The following KLHL7 variants were observed in gnomAD, a reference collection of about 807,000 sequenced individuals.
KLHL7 encodes kelch like family member 7.
KLHL7 carries 44 observed loss-of-function variants against 67.4 expected under a neutral mutation model. The ratio of observed to expected loss-of-function variants is 0.65; its 90% CI spans 0.51 to 0.84. The LOEUF (loss-of-function observed/expected upper bound fraction) is 0.84. KLHL7 is among the 40% of genes least tolerant of loss of function. The pLI is 0.00. For synonymous variants in KLHL7, 252 were observed against 243.3 expected (o/e 1.04, Z -0.33); for missense variants, 362 against 718.1 (o/e 0.50, Z 5.67).
At position 23,175,953 on chromosome 7, in the gene KLHL7, T is replaced by TAAAAAAAAAAA. The variant is rs57658434; in HGVS notation, c.*1670_*1680dup. The TAAAAAAAAAAA allele has an allele frequency of 6.9e-4, 42 of 60,490 alleles. 2 individuals are homozygous for TAAAAAAAAAAA. The highest frequency in any genetic ancestry group is 2.8e-3 in the African/African-American group (39 of 14,160). 3.7% of individuals were successfully genotyped at this position (60,490 alleles called of 1,614,324 possible). A position where few individuals can be genotyped will look rare whatever the true frequency, so the allele number is the denominator to read the frequency against. Reference sequence around the variant, plus strand: ...CCCAGCCTGGGCAACAGAGCAAGACTAAAAAAAAAAAAAAAAAAAAAAAAA... The same window carrying TAAAAAAAAAAA: ...CCCAGCCTGGGCAACAGAGCAAGACTAAAAAAAAAAAAAAAAAAAAAAAAAAAAAAAAAAAA... On this transcript the variant is annotated 3_prime_UTR_variant, in exon 11 of 11. Transcript: ENST00000339077.
intron 7 of KLHL7, among the ~76,000 whole-genome samples, chr7:23,163,483 C>T (rs1449139266): frequency 6.6e-6 from 1 of 152,114 alleles, no homozygotes; most frequent in Non-Finnish European, 1.5e-5. Flanking sequence ...GAAGCTTTTA[C>T]TCTTGTAGGA....
chr7:23,111,679 A>G (rs1397064628), intron 1 of KLHL7, among the ~76,000 whole-genome samples: 4 of 152,036 alleles, frequency 2.6e-5, no homozygotes, highest in African/African-American at 7.2e-5. Flanking sequence ...AAAATTAGCC[A>G]GGCATAGTCG....
rs1438040653 is a variant in KLHL7, at chr7:23,177,893, T to C, written c.*3595T>C. 1 of 152,228 alleles carries C rather than the reference T, an allele frequency of 6.6e-6. No homozygotes were observed. Among genetic ancestry groups the C allele is most frequent in the East Asian group, 1.9e-4 (1 of 5,204 alleles). 9.4% of individuals were successfully genotyped at this position (152,228 alleles called of 1,614,324 possible). On this transcript the variant is annotated 3_prime_UTR_variant, in exon 11 of 11. Coordinates refer to ENST00000339077, the MANE Select transcript of KLHL7 (RefSeq NM_001031710.3). ...GCTAACAAAATCAAAATCAGCCGTT[T>C]AATAAACAATTATTCCACCAAGCAG...
At chr7:23,158,053 C>A (rs1384830084) in intron 7 of KLHL7, among the ~76,000 whole-genome samples, 1 of 152,180 alleles carries the variant, frequency 6.6e-6, no homozygotes, top group Non-Finnish European at 1.5e-5. Flanking sequence ...GCAGCCTTGA[C>A]CTCCCAGGCT....
chr7:23,126,058 A>G (rs1399583713), intron 4 of KLHL7: 1 of 659,180 alleles, frequency 1.5e-6, no homozygotes, highest in Non-Finnish European at 2.7e-6. Flanking sequence ...ATATGCTAGC[A>G]TCACTACTCT....
intron 6 of KLHL7, 50 bp downstream of exon 6, chr7:23,144,075 C>T: frequency 3.4e-6 from 5 of 1,487,010 alleles, no homozygotes; most frequent in Non-Finnish European, 4.7e-6. Flanking sequence ...GCCAGTTTCT[C>T]ATGGGCTTAA....
intron 6 of KLHL7, among the ~76,000 whole-genome samples, chr7:23,145,861 G>C (rs1278078412): frequency 6.6e-6 from 1 of 152,136 alleles, no homozygotes; most frequent in Non-Finnish European, 1.5e-5. Flanking sequence ...CTCCCAAGTA[G>C]CTGGGACTAC....
At chr7:23,161,622 T>C (rs1263707128) in intron 7 of KLHL7, among the ~76,000 whole-genome samples, 3 of 152,122 alleles carry the variant, frequency 2.0e-5, no homozygotes, top group Non-Finnish European at 4.4e-5. Context: ...GCTGGTTGGT[T>C]ACAGGTCCCT....
chr7:23,129,415 T>C, intron 4 of KLHL7: 1 of 391,136 alleles, frequency 2.6e-6, no homozygotes, highest in Non-Finnish European at 5.1e-6. Flanking sequence ...CTTCATGAAC[T>C]GAAAAATCTC....
intron 4 of KLHL7, among the ~76,000 whole-genome samples, chr7:23,127,876 A>G (rs1470943618): frequency 6.6e-6 from 1 of 150,942 alleles, no homozygotes; most frequent in Non-Finnish European, 1.5e-5. Context: ...TGTCTTGGAA[A>G]AAACAAAAAA....
Position 23,145,722 on chromosome 7 carries a change from C to T in KLHL7, c.793+1697C>T, listed in dbSNP as rs1469080050. On this transcript the variant is annotated intron_variant, in intron 6 of 10. Coordinates refer to ENST00000339077, the MANE Select transcript of KLHL7 (RefSeq NM_001031710.3). ...TTTGCTATGCAGACTTTCACTTAATCCATATTTGTATTTGTTTTATTTTAC... is the reference window on the plus strand; with the variant it reads ...TTTGCTATGCAGACTTTCACTTAATTCATATTTGTATTTGTTTTATTTTAC... Among the ~76,000 whole-genome samples the T allele has an allele frequency of 2.6e-5, 4 of 152,110 alleles. No homozygotes were observed. The East Asian group carries it at 7.7e-4, about 29-fold the overall frequency.
In KLHL7 at chr7:23,152,110, A is replaced by G. The variant is rs749271826; in HGVS notation, c.837A>G (p.Glu279=). ...YHLLSPEDRE[E]LVDGTRPRRK... is the part of the protein sequence containing the mutation. ...TACTGTCTCCAGAGGACCGAGAAGAACTTGTAGATGGCACAAGACCTAGAA... is the reference window on the plus strand; with the variant it reads ...TACTGTCTCCAGAGGACCGAGAAGAGCTTGTAGATGGCACAAGACCTAGAA... Residue 279 remains glutamate (E), a synonymous_variant, in exon 7 of 11, where the codon GAA becomes GAG. Coordinates refer to ENST00000339077, the MANE Select transcript of KLHL7 (RefSeq NM_001031710.3). 6.2e-7 allele frequency: 1 copy of G among 1,613,916 alleles called. No individual in the cohort carries two copies. The highest frequency in any genetic ancestry group is 1.1e-5 in the South Asian group (1 of 91,078).
intron 4 of KLHL7, among the ~76,000 whole-genome samples, chr7:23,136,956 T>C (rs1783999959): frequency 6.6e-6 from 1 of 152,182 alleles, no homozygotes; most frequent in South Asian, 2.1e-4. Context: ...AAATAATTTG[T>C]AAACACCTAA....
intron 3 of KLHL7, 128 bp downstream of exon 3, chr7:23,124,909 G>A (rs1212196361): frequency 9.5e-7 from 1 of 1,057,772 alleles, no homozygotes; most frequent in Non-Finnish European, 1.4e-6. Flanking sequence ...AAGAGTTTCA[G>A]TATCCTATGC....
chr7:23,116,536 A>C (rs1783096403), intron 1 of KLHL7, among the ~76,000 whole-genome samples: 1 of 152,206 alleles, frequency 6.6e-6, no homozygotes, highest in Admixed American at 6.5e-5. Context: ...TTTCTACATC[A>C]GGTAGCTGAC....
chr7:23,121,966 G>C (rs1383337331), intron 1 of KLHL7, among the ~76,000 whole-genome samples: 3 of 152,186 alleles, frequency 2.0e-5, no homozygotes, highest in African/African-American at 7.2e-5. Context: ...ACAGGCATGA[G>C]TCGCTGCACC....
chr7:23,146,711 G>C (rs1784369372), intron 6 of KLHL7, among the ~76,000 whole-genome samples: 1 of 149,598 alleles, frequency 6.7e-6, no homozygotes, highest in South Asian at 2.1e-4. Context: ...AATCTATTGG[G>C]TGTGAAATAA....
In KLHL7 at chr7:23,143,116, G is replaced by C. The variant is rs138016706; in HGVS notation, c.619-735G>C. ...AACTCAGAAAGAGATCAGAAGTTAG[G>C]CCTTATTAATATCACTCGAAAATTA... On this transcript the variant is annotated intron_variant, in intron 5 of 10. Coordinates refer to ENST00000339077, the MANE Select transcript of KLHL7 (RefSeq NM_001031710.3). Among the ~76,000 whole-genome samples the C allele has an allele frequency of 7.6e-3, 1,152 of 152,082 alleles. 20 individuals carry two copies. The highest frequency in any genetic ancestry group is 0.026 in the African/African-American group (1,074 of 41,498).
In KLHL7 at chr7:23,124,681, A is replaced by G. The variant is rs760446829; in HGVS notation, c.224-7A>G. On this transcript the variant is annotated splice_region_variant and splice_polypyrimidine_tract_variant and intron_variant, in intron 2 of 10. Coordinates refer to ENST00000339077, the MANE Select transcript of KLHL7 (RefSeq NM_001031710.3). ...GATGCCATTTATGTTTCTTCTCTTC[A>G]TTGTAGCTAACATGCTTGAATCAAA... 3.8e-5 allele frequency: 60 copies of G among 1,575,590 alleles called. No homozygotes were observed. Among genetic ancestry groups the G allele is most frequent in the Non-Finnish European group, 4.5e-5 (51 of 1,144,882 alleles).
Sources: gnomAD v4.1 joint callset for allele counts (sites outside exome capture counted in the v4.1 genomes callset) on GRCh38, gnomAD v4.1.1 for gene constraint, MANE v1.5 for transcripts, NCBI Gene and HGNC (gene_info 2026-07-23, HGNC 2026-07-21) for gene names.